The following GDF10 variants were observed in gnomAD, a reference collection of about 807,000 sequenced individuals.
GDF10 encodes growth/differentiation factor 10.
Under a neutral mutation model 32.1 loss-of-function variants are expected in GDF10, and 23 were observed. That is an observed-to-expected ratio of 0.72 (90% CI 0.52 to 1.02). The LOEUF (loss-of-function observed/expected upper bound fraction) is 1.02. Among genes scored for constraint, GDF10 ranks in the 50% least tolerant of loss-of-function variants. GDF10 has a pLI of 0.00. For synonymous variants in GDF10, 328 were observed against 303.1 expected (o/e 1.08, Z -0.85); for missense variants, 764 against 673.9 (o/e 1.13, Z -1.48).
At chr10:47,301,413 A>G (rs2061004518) in intron 1 of GDF10, among the ~76,000 whole-genome samples, 1 of 152,204 alleles carries the variant, frequency 6.6e-6, no homozygotes. Context: ...GGCGTCAGCT[A>G]TGGTTCCTGT....
chr10:47,306,693 G>C (rs2061024086), intron 1 of GDF10, among the ~76,000 whole-genome samples: 1 of 152,210 alleles, frequency 6.6e-6, no homozygotes, highest in African/African-American at 2.4e-5. Flanking sequence ...CTGTTCTCCA[G>C]CCACGGGAGC....
chr10:47,310,457 C>G lies in GDF10; in HGVS notation c.981C>G (p.Pro327=). ...ACAAGCACCAGCTGTGGCCCAGCCC[C>G]TTCCGGGCGCTGAAACCCCGGCCAG... is the stretch of plus-strand genomic sequence containing the variant. ...HFHKHQLWPS[P]FRALKPRPGR... Residue 327 remains proline, a synonymous_variant, in exon 2 of 3, where the codon CCC becomes CCG. Transcript: ENST00000580279. The G allele has an allele frequency of 6.2e-7, 1 of 1,613,638 alleles. No individual in the cohort carries two copies. Among genetic ancestry groups the G allele is most frequent in the South Asian group, 1.1e-5 (1 of 91,056 alleles).
Position 47,310,490 on chromosome 10 carries a change from A to C in GDF10, c.1014A>C (p.Lys338Asn). The change falls in exon 2 of 3, where the codon AAA (lysine) becomes AAC (asparagine). Residue 338 changes from lysine (K) to asparagine (N), a missense_variant. Transcript: ENST00000580279. Reference protein sequence around the residue: ...FRALKPRPGRKDRRKKGQEVF... With the variant: ...FRALKPRPGRNDRRKKGQEVF... ...CGCTGAAACCCCGGCCAGGGCGCAAAGACCGCAGGAAGAAGGGCCAGGAGG... is the reference window on the plus strand; with the variant it reads ...CGCTGAAACCCCGGCCAGGGCGCAACGACCGCAGGAAGAAGGGCCAGGAGG... 6.2e-7 allele frequency: 1 copy of C among 1,613,830 alleles called. No homozygotes were observed. The highest frequency in any genetic ancestry group is 8.5e-7 in the Non-Finnish European group (1 of 1,179,726).
At chr10:47,306,454 C>G (rs1183708635) in intron 1 of GDF10, among the ~76,000 whole-genome samples, 2 of 152,260 alleles carry the variant, frequency 1.3e-5, no homozygotes, top group Non-Finnish European at 2.9e-5. Flanking sequence ...CTTGTGCCCA[C>G]TTGGGCAGGA....
chr10:47,306,464 A>C (rs868940991), intron 1 of GDF10, among the ~76,000 whole-genome samples: 26 of 152,202 alleles, frequency 1.7e-4, no homozygotes, highest in South Asian at 6.2e-4. Context: ...CTTGGGCAGG[A>C]TTTTCACAGA....
Position 47,300,864 on chromosome 10 carries a change from C to T in GDF10, c.213C>T (p.Ala71=), listed in dbSNP as rs1555206780. Residue 71 remains alanine, a synonymous_variant, in exon 1 of 3, where the codon GCC becomes GCT. Transcript: ENST00000580279. ...CGGCCGCCACGTTGGGCCCCAGCGC[C>T]CAGGACATGGTCGCTGTCCACATGC... ...GDAAATLGPS[A]QDMVAVHMHR... The T allele has an allele frequency of 1.3e-6, 2 of 1,587,332 alleles. No individual in the cohort carries two copies. Among genetic ancestry groups the T allele is most frequent in the East Asian group, 2.3e-5 (1 of 44,022 alleles).
chr10:47,309,809 G>C lies in GDF10; in HGVS notation c.333G>C (p.Gln111His), dbSNP rs781878244. 6.2e-7 allele frequency: 1 copy of C among 1,608,130 alleles called. No individual in the cohort carries two copies. The highest frequency in any genetic ancestry group is 1.1e-5 in the South Asian group (1 of 90,902). The change falls in exon 2 of 3, where the codon CAG becomes CAC. Residue 111 changes from glutamine (Q) to histidine (H), a missense_variant. Transcript: ENST00000580279. ...SFRARLEVVDQKAVYFFNLTS... is the reference protein window; with the variant it reads ...SFRARLEVVDHKAVYFFNLTS... ...CTTCCCTCACAGAAGTGGTCGACCA[G>C]AAGGCCGTGTATTTCTTCAACCTGA...
At position 47,310,279 on chromosome 10, in the gene GDF10, C is replaced by G. The variant is rs782408756; in HGVS notation, c.803C>G (p.Pro268Arg). The change falls in exon 2 of 3, where the codon CCC becomes CGC. Residue 268 changes from proline to arginine, a missense_variant. By Grantham distance (103) the Pro-to-Arg change is moderately radical. Transcript: ENST00000580279. Reference sequence around the variant, plus strand: ...GCAGTGACGCTGCAGAGATACGACCCCTTCCCTGCCGGAGACCCCGAGCCC... The same window carrying G: ...GCAGTGACGCTGCAGAGATACGACCGCTTCCCTGCCGGAGACCCCGAGCCC... ...SVAVTLQRYD[P>R]FPAGDPEPRA... 37 of 1,608,356 alleles carry G rather than the reference C, an allele frequency of 2.3e-5. No individual in the cohort carries two copies. The highest frequency in any genetic ancestry group is 2.7e-5 in the Non-Finnish European group (32 of 1,177,480).
Position 47,309,789 on chromosome 10 carries a change from C to G in GDF10, c.320-7C>G. The G allele has an allele frequency of 6.3e-7, 1 of 1,594,184 alleles. No homozygotes were observed. The highest frequency in any genetic ancestry group is 8.6e-7 in the Non-Finnish European group (1 of 1,164,810). The stretch of plus-strand genomic sequence containing the variant: ...TTCACAGCCTGTGGTCTCTCCTTCC[C>G]TCACAGAAGTGGTCGACCAGAAGGC... On this transcript the variant is annotated splice_region_variant and splice_polypyrimidine_tract_variant and intron_variant, in intron 1 of 2. Transcript: ENST00000580279.
intron 1 of GDF10, among the ~76,000 whole-genome samples, chr10:47,303,666 T>A (rs1321737619): frequency 6.6e-6 from 1 of 152,186 alleles, no homozygotes; most frequent in Non-Finnish European, 1.5e-5. Flanking sequence ...TAAATCTGCA[T>A]CGGTGGGGAA....
intron 1 of GDF10, among the ~76,000 whole-genome samples, chr10:47,306,183 A>G (rs1264528890): frequency 2.0e-5 from 3 of 152,274 alleles, no homozygotes; most frequent in African/African-American, 7.2e-5. Flanking sequence ...CACTCAGCAT[A>G]GGACCAAGCA....
chr10:47,310,479 C>G lies in GDF10; in HGVS notation c.1003C>G (p.Pro335Ala). ...PSPFRALKPRPGRKDRRKKGQ... is the reference protein window; with the variant it reads ...PSPFRALKPRAGRKDRRKKGQ... Reference sequence around the variant, plus strand: ...CCCCTTCCGGGCGCTGAAACCCCGGCCAGGGCGCAAAGACCGCAGGAAGAA... The same window carrying G: ...CCCCTTCCGGGCGCTGAAACCCCGGGCAGGGCGCAAAGACCGCAGGAAGAA... Residue 335 changes from proline to alanine, a missense_variant, in exon 2 of 3, where the codon CCA becomes GCA. Transcript: ENST00000580279. The G allele has an allele frequency of 6.2e-7, 1 of 1,613,728 alleles. No homozygotes were observed. The highest frequency in any genetic ancestry group is 8.5e-7 in the Non-Finnish European group (1 of 1,179,722).
Position 47,300,719 on chromosome 10 carries a change from T to A in GDF10, c.68T>A (p.Leu23Ter). 2 of 1,588,162 alleles carry A rather than the reference T, an allele frequency of 1.3e-6. No individual in the cohort carries two copies. The highest frequency in any genetic ancestry group is 1.7e-6 in the Non-Finnish European group (2 of 1,170,332). Reference sequence around the variant, plus strand: ...CAGCTGCTGCTGCTGCTGCTGCCGTTGTTTCTGCTGTTGCTCCGGGATGTG... The same window carrying A: ...CAGCTGCTGCTGCTGCTGCTGCCGTAGTTTCTGCTGTTGCTCCGGGATGTG... ...GPQLLLLLLP[L>*]FLLLLRDVAG... Residue 23 changes from leucine to a stop codon, truncating the protein, a stop_gained, in exon 1 of 3, where the codon TTG becomes TAG. Coordinates refer to ENST00000580279, the MANE Select transcript of GDF10 (RefSeq NM_004962.5). LOFTEE classifies it high-confidence loss of function.
chr10:47,301,852 G>GA (rs2061006021), intron 1 of GDF10, among the ~76,000 whole-genome samples: 1 of 152,218 alleles, frequency 6.6e-6, no homozygotes, highest in Admixed American at 6.5e-5. Flanking sequence ...TTCAACAGGA[G>GA]AAAAATCTGC....
chr10:47,300,798 C>A lies in GDF10; in HGVS notation c.147C>A (p.Gly49=). 1.3e-6 allele frequency: 2 copies of A among 1,567,692 alleles called. No homozygotes were observed. Among genetic ancestry groups the A allele is most frequent in the Non-Finnish European group, 8.6e-7 (1 of 1,162,544 alleles). ...AWSALPAAAD[G]LQGDRDLQRH... is the part of the protein sequence containing the mutation. ...CCGCACTGCCCGCGGCCGCCGACGGCCTGCAGGGGGACAGGGATCTCCAGC... is the reference window on the plus strand; with the variant it reads ...CCGCACTGCCCGCGGCCGCCGACGGACTGCAGGGGGACAGGGATCTCCAGC... The change falls in exon 1 of 3, where the codon GGC becomes GGA. Residue 49 remains glycine (G), a synonymous_variant. Transcript: ENST00000580279.
intron 1 of GDF10, among the ~76,000 whole-genome samples, chr10:47,301,511 G>A (rs893177107): frequency 2.0e-5 from 3 of 152,214 alleles, no homozygotes; most frequent in Admixed American, 2.0e-4. Context: ...TCAGACCACA[G>A]GGGTTTAAGG....
intron 1 of GDF10, among the ~76,000 whole-genome samples, chr10:47,305,925 T>C (rs2061021534): frequency 6.6e-6 from 1 of 152,194 alleles, no homozygotes; most frequent in African/African-American, 2.4e-5. Context: ...GTGCTGCAGT[T>C]CACAGCACAT....
Position 47,300,245 on chromosome 10 carries a change from G to T in GDF10, c.-407G>T. The T allele has an allele frequency of 6.2e-6, 1 of 162,000 alleles. No homozygotes were observed. The allele number at this position is 162,000 out of a possible 1,614,324, so 10.0% of individuals were successfully genotyped here. A position where few individuals can be genotyped will look rare whatever the true frequency, so the allele number is the denominator to read the frequency against. ...AGCCGGGCCAGGGACGACCCTGTCA[G>T]CTGCAGCCCCAGAGGTCCGGGGCGC... On this transcript the variant is annotated 5_prime_UTR_variant, in exon 1 of 3. Transcript: ENST00000580279.
In GDF10 at chr10:47,310,101, A is replaced by G; in HGVS notation, c.625A>G (p.Ile209Val). The G allele has an allele frequency of 6.2e-7, 1 of 1,608,774 alleles. No individual in the cohort carries two copies. Among genetic ancestry groups the G allele is most frequent in the Non-Finnish European group, 8.5e-7 (1 of 1,178,852 alleles). The change falls in exon 2 of 3, where the codon ATC becomes GTC. Residue 209 changes from isoleucine (I) to valine (V), a missense_variant. Transcript: ENST00000580279. Reference sequence around the variant, plus strand: ...GTGGCAGGCCAAGGACATCTCCCCCATCGTCAAGGCGGCCCGCCGGGATGG... The same window carrying G: ...GTGGCAGGCCAAGGACATCTCCCCCGTCGTCAAGGCGGCCCGCCGGGATGG... ...GLWQAKDISP[I>V]VKAARRDGEL...
Sources: allele counts gnomAD v4.1 joint callset (sites outside exome capture counted in the v4.1 genomes callset), GRCh38; gene constraint gnomAD v4.1.1; transcripts MANE v1.5; gene names NCBI Gene and HGNC (gene_info 2026-07-23, HGNC 2026-07-21).